SYN2: variants seen among roughly 807,000 people sequenced by gnomAD.
SYN2 encodes synapsin II, also known as synapsin-2.
A neutral mutation model predicts 50.9 loss-of-function variants in SYN2; 19 were observed. That is an observed-to-expected ratio of 0.37 (90% CI 0.26 to 0.55). The LOEUF is 0.55. Ranked by LOEUF, SYN2 falls within the 20% of genes least tolerant of loss-of-function variation. SYN2 has a pLI of 0.81. For synonymous variants in SYN2, 255 were observed against 224.9 expected (o/e 1.13, Z -1.20); for missense variants, 587 against 576.4 (o/e 1.02, Z -0.19).
At chr3:12,011,948 T>C (rs1395949484) in intron 1 of SYN2, among the ~76,000 whole-genome samples, 2 of 152,234 alleles carry the variant, frequency 1.3e-5, no homozygotes, top group Non-Finnish European at 2.9e-5. Context: ...GTAGTTAGTG[T>C]TACATCTTTC....
At position 12,157,314 on chromosome 3, in the gene SYN2, C is replaced by T. The variant is rs1001365306; in HGVS notation, c.775-4232C>T. ...GCCAGGCCACCTGAAAGCTACCAGC[C>T]CTCCCAGAACACAGACTCCACTTTC... On this transcript the variant is annotated intron_variant, in intron 5 of 12. Transcript: ENST00000621198. The T allele has an allele frequency of 4.2e-5, 61 of 1,447,520 alleles. 1 individual carries two copies. The highest frequency in any genetic ancestry group is 3.7e-5 in the Non-Finnish European group (38 of 1,037,832). The allele number at this position is 1,447,520 out of a possible 1,614,324, so 89.7% of individuals were successfully genotyped here. A position where few individuals can be genotyped will look rare whatever the true frequency, so the allele number is the denominator to read the frequency against.
chr3:12,024,788 C>A lies in SYN2; in HGVS notation c.377+19860C>A, dbSNP rs150175354. ...TGGTGATTATAAGCTCTTATTCCTGCTGGGTGTGTACCCAGGAGTGGCATT... is the reference window on the plus strand; with the variant it reads ...TGGTGATTATAAGCTCTTATTCCTGATGGGTGTGTACCCAGGAGTGGCATT... On this transcript the variant is annotated intron_variant, in intron 1 of 12. Transcript: ENST00000621198. Among the ~76,000 whole-genome samples, 386 of 152,280 alleles carry A rather than the reference C, an allele frequency of 2.5e-3. 4 individuals carry two copies. Among genetic ancestry groups the A allele is most frequent in the African/African-American group, 9.0e-3 (374 of 41,546 alleles).
chr3:12,156,171 T>A (rs1469685594), intron 5 of SYN2, among the ~76,000 whole-genome samples: 1 of 152,202 alleles, frequency 6.6e-6, no homozygotes, highest in East Asian at 1.9e-4. Flanking sequence ...CTGCTGTGCT[T>A]TTTCTTTCCC....
intron 1 of SYN2, among the ~76,000 whole-genome samples, chr3:12,116,950 T>C (rs1435286334): frequency 1.3e-5 from 2 of 152,006 alleles, no homozygotes; most frequent in Non-Finnish European, 2.9e-5. Context: ...AGGGTCTCAC[T>C]ATGTTACCCA....
chr3:12,144,987 C>T (rs528637136), intron 3 of SYN2, among the ~76,000 whole-genome samples: 21 of 152,146 alleles, frequency 1.4e-4, no homozygotes, highest in African/African-American at 3.6e-4. Context: ...GCTGAGATCG[C>T]GCCACTGCAC....
chr3:12,168,385 G>C lies in SYN2; in HGVS notation c.1065G>C (p.Leu355=). The C allele has an allele frequency of 1.2e-6, 2 of 1,613,584 alleles. No homozygotes were observed. The change falls in exon 9 of 13, where the codon CTG becomes CTC. Residue 355 remains leucine, a synonymous_variant. Coordinates refer to ENST00000621198, the MANE Select transcript of SYN2 (RefSeq NM_133625.6). The stretch of plus-strand genomic sequence containing the variant: ...TTCCCATCACCTCCAGGTACAAACT[G>C]TGGGTGGACACCTGCTCTGAGATGT... ...EQIAMSDRYK[L]WVDTCSEMFG... is the part of the protein sequence containing the mutation.
chr3:12,169,784 G>A lies in SYN2; in HGVS notation c.1186G>A (p.Gly396Arg). ...CATGGACTGTAGCATGCCACTGATT[G>A]GGGAACATCAGGTGGAGGACAGGCA... ...EVMDCSMPLIGEHQVEDRQLI... is the reference protein window; with the variant it reads ...EVMDCSMPLIREHQVEDRQLI... Residue 396 changes from glycine (G) to arginine (R), a missense_variant, in exon 10 of 13, where the codon GGG (glycine) becomes AGG (arginine). Physicochemically the swap from Gly to Arg is moderately radical, Grantham distance 125. Coordinates refer to ENST00000621198, the MANE Select transcript of SYN2 (RefSeq NM_133625.6). 1.2e-6 allele frequency: 2 copies of A among 1,613,912 alleles called. No homozygotes were observed. The highest frequency in any genetic ancestry group is 1.7e-6 in the Non-Finnish European group (2 of 1,179,866).
At chr3:12,138,347 G>A (rs1341985546) in intron 1 of SYN2, among the ~76,000 whole-genome samples, 1 of 152,180 alleles carries the variant, frequency 6.6e-6, no homozygotes, top group African/African-American at 2.4e-5. Context: ...AGAGGTGGGG[G>A]TGGAGGGAAG....
chr3:12,151,271 G>A lies in SYN2; in HGVS notation c.719G>A (p.Gly240Glu). The stretch of plus-strand genomic sequence containing the variant: ...CTGGTCGCTATCTATAAGACACTGG[G>A]AGGAGAAAAGTTCCCTCTCATTGAA... ...AQLVAIYKTL[G>E]GEKFPLIEQT... is the part of the protein sequence containing the mutation. The change falls in exon 5 of 13, where the codon GGA becomes GAA. Residue 240 changes from glycine to glutamate, a missense_variant. Physicochemically the swap from Gly to Glu is moderately conservative, Grantham distance 98. Transcript: ENST00000621198. 2 of 1,613,408 alleles carry A rather than the reference G, an allele frequency of 1.2e-6. No individual in the cohort carries two copies. The highest frequency in any genetic ancestry group is 1.7e-6 in the Non-Finnish European group (2 of 1,179,756).
At chr3:12,143,041 A>G (rs1697058863) in intron 3 of SYN2, among the ~76,000 whole-genome samples, 1 of 152,156 alleles carries the variant, frequency 6.6e-6, no homozygotes, top group Non-Finnish European at 1.5e-5. Flanking sequence ...CTGTAGGTAG[A>G]GAGGGTAATG....
chr3:12,121,644 G>GT (rs1696560276), intron 1 of SYN2, among the ~76,000 whole-genome samples: 1 of 148,362 alleles, frequency 6.7e-6, no homozygotes, highest in South Asian at 2.2e-4. Context: ...GAAAGGGAAG[G>GT]TAAGGGGAAG....
intron 1 of SYN2, among the ~76,000 whole-genome samples, chr3:12,029,270 G>T (rs1448752435): frequency 2.3e-5 from 3 of 131,226 alleles, no homozygotes; most frequent in Admixed American, 2.2e-4. Context: ...TGCTGTTTTG[G>T]TTACTGTAGC....
intron 10 of SYN2, among the ~76,000 whole-genome samples, chr3:12,182,317 C>A (rs1286191569): frequency 6.6e-6 from 1 of 152,180 alleles, no homozygotes; most frequent in Non-Finnish European, 1.5e-5. Flanking sequence ...TTTTTAGCCA[C>A]CGCCTTGCCT....
chr3:12,130,668 C>A (rs989823868), intron 1 of SYN2, among the ~76,000 whole-genome samples: 1 of 152,124 alleles, frequency 6.6e-6, no homozygotes, highest in African/African-American at 2.4e-5. Flanking sequence ...CAAGTTAACA[C>A]ATAAAATTAA....
chr3:12,006,834 G>A (rs1003131990), intron 1 of SYN2, among the ~76,000 whole-genome samples: 3 of 152,214 alleles, frequency 2.0e-5, no homozygotes, highest in African/African-American at 7.2e-5. Flanking sequence ...AAATGGAGTG[G>A]TTAGTGAGAG....
At chr3:12,022,932 C>T (rs1356533603) in intron 1 of SYN2, among the ~76,000 whole-genome samples, 1 of 151,750 alleles carries the variant, frequency 6.6e-6, no homozygotes, top group Non-Finnish European at 1.5e-5. Flanking sequence ...ATGAGAGCAA[C>T]ACCCTGCAGA....
rs745514190 is a variant in SYN2, at chr3:12,145,746, C to T, written c.595C>T (p.Arg199Cys). Residue 199 changes from arginine to cysteine, a missense_variant, in exon 4 of 13, where the codon CGC becomes TGC. By Grantham distance (180) the Arg-to-Cys change is radical (BLOSUM62 -3). Transcript: ENST00000621198. ...AFGMAENEDF[R>C]HLIIGMQYAG... ...TGGCATGGCGGAGAATGAGGACTTC[C>T]GCCACCTGATCATTGGTATGCAGTA... is the stretch of plus-strand genomic sequence containing the variant. The T allele has an allele frequency of 8.7e-6, 14 of 1,613,886 alleles. No homozygotes were observed. The highest frequency in any genetic ancestry group is 3.3e-5 in the South Asian group (3 of 91,082).
intron 10 of SYN2, among the ~76,000 whole-genome samples, chr3:12,172,547 G>A (rs1399795635): frequency 6.6e-6 from 1 of 152,220 alleles, no homozygotes; most frequent in Non-Finnish European, 1.5e-5. Context: ...GATTAGTTAG[G>A]ACTCATGACT....
At chr3:12,087,138 CATAGT>C (rs1277447263) in intron 1 of SYN2, among the ~76,000 whole-genome samples, 1 of 151,968 alleles carries the variant, frequency 6.6e-6, no homozygotes, top group Admixed American at 6.6e-5. Flanking sequence ...TAAAATATCT[CATAGT>C]AAATTTAACC....
Sources: allele counts gnomAD v4.1 joint callset (sites outside exome capture counted in the v4.1 genomes callset), GRCh38; gene constraint gnomAD v4.1.1; transcripts MANE v1.5; gene names NCBI Gene and HGNC (gene_info 2026-07-23, HGNC 2026-07-21).